Variants in NMT1 observed in about 807,000 individuals in gnomAD.
NMT1 encodes the protein glycylpeptide N-tetradecanoyltransferase 1.
Under a neutral mutation model 63.4 loss-of-function variants are expected in NMT1, and 12 were observed. The ratio of observed to expected loss-of-function variants is 0.19; its 90% CI spans 0.12 to 0.31. The LOEUF (loss-of-function observed/expected upper bound fraction) is 0.31, where lower values mean the gene tolerates loss of function less well. Ranked by LOEUF, NMT1 falls within the 10% of genes least tolerant of loss-of-function variation. NMT1 has a pLI of 1.00. For synonymous variants in NMT1, 228 were observed against 234.3 expected, an observed-to-expected ratio of 0.97 and a Z score of 0.25; for missense variants, 432 against 634.6, an observed-to-expected ratio of 0.68 and a Z score of 3.43.
Position 45,072,825 on chromosome 17 carries a change from C to T in NMT1, c.132-8819C>T, listed in dbSNP as rs565260016. On this transcript the variant is annotated intron_variant, in intron 1 of 11. Coordinates refer to ENST00000258960, the MANE Select transcript of NMT1 (RefSeq NM_021079.5). The stretch of plus-strand genomic sequence containing the variant: ...CCACCCGCCTCGGCCTCCCAAAGTG[C>T]TGGGATTACAGGCGTGAGCCACCGC... Among the ~76,000 whole-genome samples, 737 of 151,928 alleles carry T rather than the reference C, an allele frequency of 4.9e-3. 6 individuals carry two copies. Among genetic ancestry groups the T allele is most frequent in the African/African-American group, 0.017 (697 of 41,448 alleles).
At chr17:45,094,561 C>T (rs928764876) in intron 4 of NMT1, among the ~76,000 whole-genome samples, 1 of 149,100 alleles carries the variant, frequency 6.7e-6, no homozygotes, top group Non-Finnish European at 1.5e-5. Context: ...GTTGCCCAGG[C>T]TGGAGTGCAG....
Position 45,081,732 on chromosome 17 carries a change from G to T in NMT1, c.220G>T (p.Ala74Ser), listed in dbSNP as rs1405046109. ...AGAAAAAGGCAGTGAGACAGATTCA[G>T]CCCAGGATCAGCCTGTGAAGGTAAC... Reference protein sequence around the residue: ...KKEKGSETDSAQDQPVKMNSL... With the variant: ...KKEKGSETDSSQDQPVKMNSL... The change falls in exon 2 of 12, where the codon GCC becomes TCC. Residue 74 changes from alanine (A) to serine (S), a missense_variant. By Grantham distance (99) the Ala-to-Ser change is moderately conservative. Coordinates refer to ENST00000258960, the MANE Select transcript of NMT1 (RefSeq NM_021079.5). 15 of 1,580,544 alleles carry T rather than the reference G, an allele frequency of 9.5e-6. No homozygotes were observed. Among genetic ancestry groups the T allele is most frequent in the Non-Finnish European group, 1.3e-5 (15 of 1,161,744 alleles).
chr17:45,092,275 C>T (rs1282998482), intron 3 of NMT1, among the ~76,000 whole-genome samples: 1 of 152,154 alleles, frequency 6.6e-6, no homozygotes, highest in Non-Finnish European at 1.5e-5. Flanking sequence ...CACTGAGTCA[C>T]TGGTGCACGG....
Position 45,096,154 on chromosome 17 carries a change from T to C in NMT1, c.505-40T>C, listed in dbSNP as rs200527042. The C allele has an allele frequency of 3.8e-4, 566 of 1,496,320 alleles. 7 individuals carry two copies. The African/African-American group carries it at 6.9e-3, about 18-fold the overall frequency. The allele number at this position is 1,496,320 out of a possible 1,614,324, so 92.7% of individuals were successfully genotyped here. A position where few individuals can be genotyped will look rare whatever the true frequency, so the allele number is the denominator to read the frequency against. Reference sequence around the variant, plus strand: ...AGGGTATTGGAGTTGGTCTACTACCTGGCAGAATACCTCCAAGTGAGCTGC... The same window carrying C: ...AGGGTATTGGAGTTGGTCTACTACCCGGCAGAATACCTCCAAGTGAGCTGC... On this transcript the variant is annotated intron_variant, in intron 4 of 11. Transcript: ENST00000258960.
At chr17:45,090,848 T>C (rs2054082923) in intron 3 of NMT1, among the ~76,000 whole-genome samples, 1 of 152,090 alleles carries the variant, frequency 6.6e-6, no homozygotes, top group Non-Finnish European at 1.5e-5. Context: ...AGCTGCATTC[T>C]TGCTGTGCTC....
chr17:45,074,276 T>C (rs2053963348), intron 1 of NMT1, among the ~76,000 whole-genome samples: 1 of 150,946 alleles, frequency 6.6e-6, no homozygotes, highest in South Asian at 2.1e-4. Context: ...GTGCAGTGGC[T>C]GGTTCTCTGC....
intron 4 of NMT1, among the ~76,000 whole-genome samples, chr17:45,095,038 C>G (rs1189348455): frequency 1.3e-5 from 2 of 149,862 alleles, no homozygotes; most frequent in Admixed American, 1.3e-4. Flanking sequence ...GTCTCGAACT[C>G]CTGACCTCAT....
At chr17:45,074,371 C>T (rs930551971) in intron 1 of NMT1, among the ~76,000 whole-genome samples, 2 of 152,024 alleles carry the variant, frequency 1.3e-5, no homozygotes, top group Non-Finnish European at 2.9e-5. Context: ...CCCACCACCA[C>T]GCCCAGCTAA....
intron 6 of NMT1, among the ~76,000 whole-genome samples, chr17:45,098,172 C>G (rs2054138448): frequency 6.6e-6 from 1 of 152,116 alleles, no homozygotes; most frequent in South Asian, 2.1e-4. Context: ...TTGGGTCCCA[C>G]CTTCCTTTGG....
chr17:45,067,476 G>T (rs2053910390), intron 1 of NMT1, among the ~76,000 whole-genome samples: 1 of 152,092 alleles, frequency 6.6e-6, no homozygotes, highest in African/African-American at 2.4e-5. Flanking sequence ...TCATTTCCTG[G>T]TTGTGAGATA....
intron 1 of NMT1, among the ~76,000 whole-genome samples, chr17:45,064,822 T>C (rs1179637998): frequency 6.6e-6 from 1 of 152,076 alleles, no homozygotes; most frequent in Non-Finnish European, 1.5e-5. Flanking sequence ...GCCTCTGATC[T>C]CAAAATCTCA....
chr17:45,084,602 G>A (rs541023318), intron 2 of NMT1, among the ~76,000 whole-genome samples: 1 of 151,858 alleles, frequency 6.6e-6, no homozygotes, highest in Non-Finnish European at 1.5e-5. Context: ...CAAAGTGCTA[G>A]GATTACAGGC....
chr17:45,083,727 C>G (rs1424975428), intron 2 of NMT1: 1 of 152,164 alleles, frequency 6.6e-6, no homozygotes, highest in Non-Finnish European at 1.5e-5. Context: ...ATCTTCCCAC[C>G]TCAGCCTCCC....
Position 45,099,388 on chromosome 17 carries a change from C to A in NMT1, c.885-17C>A, listed in dbSNP as rs748011369. 7.5e-5 allele frequency: 117 copies of A among 1,552,170 alleles called. No homozygotes were observed. The highest frequency in any genetic ancestry group is 1.0e-4 in the Non-Finnish European group (116 of 1,123,256). The stretch of plus-strand genomic sequence containing the variant: ...ATTGGCCAGAACCCTGAGGACAGGA[C>A]ATTTGTGTCCCCACAGGTATTGGCA... On this transcript the variant is annotated splice_polypyrimidine_tract_variant and intron_variant, in intron 7 of 11. Transcript: ENST00000258960.
At chr17:45,077,466 C>T (rs2053985534) in intron 1 of NMT1, among the ~76,000 whole-genome samples, 1 of 152,182 alleles carries the variant, frequency 6.6e-6, no homozygotes, top group African/African-American at 2.4e-5. Context: ...TCTTGGCTTA[C>T]CACAATCTTC....
At chr17:45,064,432 T>C (rs2053888411) in intron 1 of NMT1, among the ~76,000 whole-genome samples, 1 of 152,182 alleles carries the variant, frequency 6.6e-6, no homozygotes, top group African/African-American at 2.4e-5. Context: ...TCAACATTTT[T>C]CCATGAACTT....
chr17:45,084,207 G>T (rs1381083140), intron 2 of NMT1, among the ~76,000 whole-genome samples: 1 of 151,996 alleles, frequency 6.6e-6, no homozygotes, highest in Admixed American at 6.6e-5. Flanking sequence ...ATAATTGAAT[G>T]AATAGGCAGT....
rs1989803 is a variant in NMT1 at position 45,108,124 on chromosome 17, C to G, written c.*2485C>G. The G allele has an allele frequency of 0.41, 62,661 of 152,074 alleles. 13,652 individuals are homozygous for G. Among genetic ancestry groups the G allele is most frequent in the East Asian group, 0.82 (4,216 of 5,140 alleles). 9.4% of individuals were successfully genotyped at this position (152,074 alleles called of 1,614,324 possible). ...CAAAGGAAGGACCCTGAGGCCTTCACGCTAACCGTCCTCGAGCAACTGCTG... is the reference window on the plus strand; with the variant it reads ...CAAAGGAAGGACCCTGAGGCCTTCAGGCTAACCGTCCTCGAGCAACTGCTG... On this transcript the variant is annotated 3_prime_UTR_variant, in exon 12 of 12. Transcript: ENST00000258960.
intron 2 of NMT1, among the ~76,000 whole-genome samples, chr17:45,082,390 A>G (rs1310003899): frequency 6.6e-6 from 1 of 151,986 alleles, no homozygotes. Context: ...TGCTGGGATT[A>G]CAAGCGTGAG....
Sources: allele counts gnomAD v4.1 joint callset (sites outside exome capture counted in the v4.1 genomes callset), GRCh38; gene constraint gnomAD v4.1.1; transcripts MANE v1.5; gene names NCBI Gene and HGNC (gene_info 2026-07-23, HGNC 2026-07-21).